Variants in DEFB121 observed in about 807,000 individuals in gnomAD.
DEFB121 encodes the protein defensin beta 121, also known as beta-defensin 121.
In DEFB121, 5 loss-of-function variants were observed where a neutral mutation model predicts 2.5. The ratio of observed to expected loss-of-function variants is 1.96; its 90% confidence interval spans 1.03 to 4.13. DEFB121 has a LOEUF of 4.13. Among genes scored for constraint, DEFB121 ranks in the 30% most tolerant of loss-of-function variants. The probability of loss-of-function intolerance (pLI) is 0.00; values close to 1 mark genes in which losing one functional copy is unlikely to be tolerated. For synonymous variants in DEFB121, 39 were observed against 32.6 expected (o/e 1.20, Z -0.67); for missense variants, 87 against 85.0 (o/e 1.02, Z -0.09).
At chr20:31,416,512 G>A (rs1164081635), upstream of DEFB121, among the ~76,000 whole-genome samples, 1 of 152,124 alleles carries the variant, frequency 6.6e-6, no homozygotes, top group African/African-American at 2.4e-5. Context: ...TTTTCTTTAA[G>A]TTTGTGAGTG....
At chr20:31,407,920 G>A (rs1267008720), upstream of DEFB121, among the ~76,000 whole-genome samples, 1 of 152,170 alleles carries the variant, frequency 6.6e-6, no homozygotes, top group Non-Finnish European at 1.5e-5. Flanking sequence ...TAGGACTACA[G>A]GCACGCGCCA....
intron 1 of DEFB121, 107 bp from the exon 2 acceptor site, chr20:31,405,192 G>T (rs1364734409): frequency 3.0e-5 from 33 of 1,085,554 alleles, no homozygotes; most frequent in Non-Finnish European, 4.0e-5. Context: ...GAAATGAGGA[G>T]GTCTGTGGGG....
upstream of DEFB121, among the ~76,000 whole-genome samples, chr20:31,413,403 G>A (rs916347458): frequency 2.0e-5 from 3 of 152,224 alleles, no homozygotes; most frequent in African/African-American, 7.2e-5. Context: ...TAAGGATACT[G>A]TCCTCTAACA....
chr20:31,408,638 G>A (rs1978563089), upstream of DEFB121, among the ~76,000 whole-genome samples: 1 of 152,168 alleles, frequency 6.6e-6, no homozygotes, highest in Admixed American at 6.5e-5. Flanking sequence ...AATGAGTGTG[G>A]CTGTATTCCA....
At chr20:31,418,271 A>G in the DEFB121 span, among the ~76,000 whole-genome samples, 1 of 87,104 alleles carries the variant, frequency 1.1e-5, no homozygotes, top group African/African-American at 6.8e-5. Flanking sequence ...AAAAAAAAAA[A>G]AAAAAAAAAA....
upstream of DEFB121, among the ~76,000 whole-genome samples, chr20:31,410,435 A>G (rs1978625421): frequency 6.6e-6 from 1 of 152,238 alleles, no homozygotes. Flanking sequence ...GGGTGACAAG[A>G]TACATCATAG....
chr20:31,413,824 G>A (rs1276359638), upstream of DEFB121, among the ~76,000 whole-genome samples: 1 of 152,232 alleles, frequency 6.6e-6, no homozygotes, highest in Non-Finnish European at 1.5e-5. Context: ...TTGTGGGCAA[G>A]GCTGTGGAGA....
upstream of DEFB121, among the ~76,000 whole-genome samples, chr20:31,415,247 CTT>C (rs774007321): frequency 3.5e-5 from 5 of 141,134 alleles, no homozygotes; most frequent in African/African-American, 2.6e-5. Flanking sequence ...ATGTACAGTC[CTT>C]TTTTTTTTTT....
chr20:31,405,989 A>T, intron 1 of DEFB121, 106 bp downstream of exon 1: 1 of 1,262,418 alleles, frequency 7.9e-7, no homozygotes, highest in South Asian at 1.3e-5. Flanking sequence ...GGCCTCAATG[A>T]GCTCTACCAG....
chr20:31,412,614 A>ATCCTCACCT (rs1978694954), intron 1 of DEFB121: 1 of 1,290,886 alleles, frequency 7.7e-7, no homozygotes, highest in East Asian at 5.5e-5. Context: ...TTTACTATGA[A>ATCCTCACCT]TCCTCACCTT....
At chr20:31,415,648 A>AAT (rs3068507), upstream of DEFB121, among the ~76,000 whole-genome samples, 79,344 of 151,218 alleles carry the variant, frequency 0.52, 21,175 homozygotes, top group East Asian at 0.74. Context: ...AATCAAAATA[A>AAT]ATATATATAT....
At chr20:31,414,401 C>A (rs1392885615), upstream of DEFB121, among the ~76,000 whole-genome samples, 1 of 152,090 alleles carries the variant, frequency 6.6e-6, no homozygotes, top group Non-Finnish European at 1.5e-5. Context: ...ATCTGCACAC[C>A]CACGTTCATT....
At chr20:31,412,491 A>T in intron 1 of DEFB121, 1 of 532,984 alleles carries the variant, frequency 1.9e-6, no homozygotes, top group East Asian at 7.0e-5. Flanking sequence ...TATGGAGATG[A>T]TACTACTGAC....
chr20:31,414,310 G>C (rs1302381554), upstream of DEFB121, among the ~76,000 whole-genome samples: 1 of 151,820 alleles, frequency 6.6e-6, no homozygotes, highest in South Asian at 2.1e-4. Context: ...AGGAAAGGAA[G>C]GAAAGAAAGA....
At chr20:31,412,604 T>C (rs1446208286) in intron 1 of DEFB121, 1 of 1,290,722 alleles carries the variant, frequency 7.7e-7, no homozygotes, top group South Asian at 1.2e-5. Flanking sequence ...GTTACTGTTA[T>C]TTACTATGAA....
exon 1 of DEFB121, chr20:31,412,732 G>T: frequency 8.2e-7 from 1 of 1,212,810 alleles, no homozygotes; most frequent in Non-Finnish European, 1.1e-6. Context: ...ATTAGGATTG[G>T]CAGTAGCTCA....
chr20:31,413,959 G>C (rs1449471182), upstream of DEFB121, among the ~76,000 whole-genome samples: 1 of 152,224 alleles, frequency 6.6e-6, no homozygotes, highest in Non-Finnish European at 1.5e-5. Flanking sequence ...TGTAATTCCA[G>C]CACTTTGGGA....
chr20:31,411,345 A>G (rs1158803666), intron 1 of DEFB121, among the ~76,000 whole-genome samples: 1 of 152,196 alleles, frequency 6.6e-6, no homozygotes, highest in African/African-American at 2.4e-5. Context: ...AAGCTCTCCA[A>G]GGAAATAATC....
At chr20:31,408,990 C>T (rs6087463), upstream of DEFB121, among the ~76,000 whole-genome samples, 71,454 of 151,258 alleles carry the variant, frequency 0.47, 18,149 homozygotes, top group East Asian at 0.74. Flanking sequence ...GGTGCCATTG[C>T]ACTCCAGCCT....
Sources: gnomAD v4.1 joint callset for allele counts (sites outside exome capture counted in the v4.1 genomes callset) on GRCh38, gnomAD v4.1.1 for gene constraint, MANE v1.5 for transcripts, NCBI Gene and HGNC (gene_info 2026-07-23, HGNC 2026-07-21) for gene names.